Variants in KYNU observed in about 807,000 individuals in gnomAD.
KYNU encodes L-kynurenine hydrolase.
In KYNU, 54 loss-of-function variants were observed where a neutral mutation model predicts 59.2. The observed-to-expected ratio is 0.91, with a 90% CI of 0.73 to 1.14. The LOEUF is 1.14. Ranked by LOEUF, KYNU falls within the 50% of genes most tolerant of loss-of-function variation. The pLI is 0.00. For synonymous variants in KYNU, 177 were observed against 192.0 expected, an observed-to-expected ratio of 0.92 and a Z score of 0.65; for missense variants, 567 against 554.4, an observed-to-expected ratio of 1.02 and a Z score of -0.23.
At chr2:142,893,213 A>G (rs1054488058) in intron 2 of KYNU, among the ~76,000 whole-genome samples, 1 of 152,242 alleles carries the variant, frequency 6.6e-6, no homozygotes, top group Non-Finnish European at 1.5e-5. Context: ...GGATGATATT[A>G]TCTTGGCATC....
At chr2:142,985,234 C>G in intron 9 of KYNU, 52 bp downstream of exon 9, 2 of 1,133,896 alleles carry the variant, frequency 1.8e-6, no homozygotes, top group Non-Finnish European at 2.7e-6. Context: ...TGACTTTAAT[C>G]TGAAGGAGAA....
At position 143,033,321 on chromosome 2, in the gene KYNU, G is replaced by C; in HGVS notation, c.1041G>C (p.Glu347Asp). Residue 347 changes from glutamate (E) to aspartate (D), a missense_variant and splice_region_variant, in exon 12 of 14, where the codon GAG (glutamate) becomes GAC (aspartate). Physicochemically the swap from Glu to Asp is conservative, Grantham distance 45. Transcript: ENST00000264170. ...TCTGTTCCTTGCATGCTAGTTTAGA[G>C]GTAAGTGATGTGTGTTTCAACCTTC... The part of the protein sequence containing the change: ...LLVCSLHASL[E>D]IFKQATMKAL... 1.2e-6 allele frequency: 2 copies of C among 1,608,838 alleles called. No homozygotes were observed. The highest frequency in any genetic ancestry group is 1.7e-6 in the Non-Finnish European group (2 of 1,175,188).
chr2:142,949,946 T>C (rs1308614822), intron 4 of KYNU, among the ~76,000 whole-genome samples: 1 of 152,214 alleles, frequency 6.6e-6, no homozygotes, highest in African/African-American at 2.4e-5. Flanking sequence ...TTGAATGCTT[T>C]GCTGCTTAGA....
At chr2:142,970,822 CACATA>C (rs1330991426) in intron 8 of KYNU, among the ~76,000 whole-genome samples, 2 of 152,202 alleles carry the variant, frequency 1.3e-5, no homozygotes, top group Non-Finnish European at 2.9e-5. Flanking sequence ...TGTTCTCCTT[CACATA>C]ACATATATCA....
chr2:142,932,125 A>G (rs1478121189), intron 4 of KYNU, among the ~76,000 whole-genome samples: 2 of 152,190 alleles, frequency 1.3e-5, no homozygotes, highest in East Asian at 3.8e-4. Flanking sequence ...TGGCAGATAG[A>G]GCCAGACTGG....
intron 10 of KYNU, among the ~76,000 whole-genome samples, chr2:142,991,554 C>T (rs1685399049): frequency 6.6e-6 from 1 of 151,864 alleles, no homozygotes; most frequent in South Asian, 2.1e-4. Context: ...CCAGCTACAA[C>T]TTCTTGGCTT....
At chr2:142,933,544 G>A (rs1440709068) in intron 4 of KYNU, among the ~76,000 whole-genome samples, 1 of 152,174 alleles carries the variant, frequency 6.6e-6, no homozygotes, top group African/African-American at 2.4e-5. Context: ...GATTGGAGGA[G>A]AGATATGCAG....
chr2:142,898,245 ATTTTCT>A lies in KYNU; in HGVS notation c.169+12720_169+12725del, dbSNP rs1681949500. ...AAGTTAACTTCCACAGAGATGTTTT[ATTTTCT>A]TTTTCTTTTTTTTTTTCATACTTCG... On this transcript the variant is annotated intron_variant, in intron 2 of 13. Transcript: ENST00000264170. 2.6e-5 allele frequency among the ~76,000 whole-genome samples: 4 copies of A among 151,706 alleles called. No homozygotes were observed. The South Asian group carries it at 8.3e-4, about 31-fold the overall frequency.
chr2:142,887,586 T>C (rs1407531593), intron 2 of KYNU, among the ~76,000 whole-genome samples: 1 of 152,160 alleles, frequency 6.6e-6, no homozygotes, highest in Non-Finnish European at 1.5e-5. Flanking sequence ...TATTAAGTTT[T>C]AAAAAGAACC....
chr2:142,971,068 A>G (rs1384939746), intron 8 of KYNU: 1 of 152,144 alleles, frequency 6.6e-6, no homozygotes, highest in Non-Finnish European at 1.5e-5. Context: ...ATGTAGTCAT[A>G]TGCCAACAAT....
intron 2 of KYNU, among the ~76,000 whole-genome samples, chr2:142,895,893 T>G (rs1022107649): frequency 6.6e-6 from 1 of 152,094 alleles, no homozygotes; most frequent in South Asian, 2.1e-4. Context: ...CTGTGTTGCC[T>G]AGTCTAATCT....
At chr2:142,927,333 A>G (rs1408201867) in intron 3 of KYNU, among the ~76,000 whole-genome samples, 1 of 152,198 alleles carries the variant, frequency 6.6e-6, no homozygotes, top group Non-Finnish European at 1.5e-5. Flanking sequence ...TACAGGTATA[A>G]AAGTAGTGTT....
intron 3 of KYNU, among the ~76,000 whole-genome samples, chr2:142,924,560 G>C (rs1297909017): frequency 6.6e-6 from 1 of 152,154 alleles, no homozygotes; most frequent in East Asian, 1.9e-4. Context: ...TTACAGCATG[G>C]TCCTACTTTA....
At chr2:142,942,924 T>C (rs1340220143) in intron 4 of KYNU, among the ~76,000 whole-genome samples, 1 of 152,198 alleles carries the variant, frequency 6.6e-6, no homozygotes, top group Non-Finnish European at 1.5e-5. Context: ...GCATACTCAC[T>C]TGAGGCATTC....
intron 10 of KYNU, among the ~76,000 whole-genome samples, chr2:143,006,431 A>G (rs1454635216): frequency 6.6e-6 from 1 of 150,606 alleles, no homozygotes; most frequent in South Asian, 2.1e-4. Context: ...GCTGATTGCT[A>G]GCACAGCAGT....
At chr2:142,899,943 G>A (rs1297747730) in intron 2 of KYNU, among the ~76,000 whole-genome samples, 5 of 152,144 alleles carry the variant, frequency 3.3e-5, no homozygotes, top group Non-Finnish European at 5.9e-5. Context: ...GGGGGTTCTA[G>A]CTCCCAGAGC....
intron 10 of KYNU, among the ~76,000 whole-genome samples, chr2:143,009,021 A>G (rs1686007285): frequency 8.7e-6 from 1 of 115,214 alleles, no homozygotes; most frequent in Non-Finnish European, 1.7e-5. Flanking sequence ...GAGCAAACAT[A>G]TTCAAAAGCT....
chr2:142,930,686 C>T (rs1683179850), intron 4 of KYNU, among the ~76,000 whole-genome samples: 1 of 152,272 alleles, frequency 6.6e-6, no homozygotes, highest in East Asian at 1.9e-4. Context: ...AGGATACCAG[C>T]TCTACCATAT....
chr2:142,997,153 T>C (rs531222689), intron 10 of KYNU, among the ~76,000 whole-genome samples: 51 of 152,310 alleles, frequency 3.3e-4, no homozygotes, highest in Non-Finnish European at 6.5e-4. Flanking sequence ...TATATATTTC[T>C]TAAACTTCAG....
Sources: gnomAD v4.1 joint callset for allele counts (sites outside exome capture counted in the v4.1 genomes callset) on GRCh38, gnomAD v4.1.1 for gene constraint, MANE v1.5 for transcripts, NCBI Gene and HGNC (gene_info 2026-07-23, HGNC 2026-07-21) for gene names.